Variants in EMC3 observed in about 807,000 individuals in gnomAD.
EMC3 encodes the protein 30 kDa protein.
A neutral mutation model predicts 36.6 loss-of-function variants in EMC3; 13 were observed. The ratio of observed to expected loss-of-function variants is 0.35; its 90% confidence interval spans 0.23 to 0.56. The LOEUF (loss-of-function observed/expected upper bound fraction) is 0.56. Ranked by LOEUF, EMC3 falls within the 20% of genes least tolerant of loss-of-function variation. The pLI is 0.84. For missense variants in EMC3, 220 were observed against 324.5 expected (o/e 0.68, Z 2.47); for synonymous variants, 120 against 111.9 (o/e 1.07, Z -0.46).
chr3:9,970,820 T>C (rs1243071966), intron 5 of EMC3, among the ~76,000 whole-genome samples, 159 bp from the exon 6 acceptor site: 1 of 152,206 alleles, frequency 6.6e-6, no homozygotes, highest in Non-Finnish European at 1.5e-5. Flanking sequence ...ATACAAGTTG[T>C]TAAAGCAGTC....
chr3:9,986,849 G>T (rs1405947247), upstream of EMC3: 4 of 1,381,950 alleles, frequency 2.9e-6, no homozygotes, highest in African/African-American at 1.5e-5. Context: ...CTTCCGGCGC[G>T]AACGTTGACG....
chr3:9,996,198 C>G (rs2086121948), intron 1 of EMC3, among the ~76,000 whole-genome samples: 2 of 152,218 alleles, frequency 1.3e-5, no homozygotes, highest in African/African-American at 4.8e-5. Context: ...AATCCCAGCA[C>G]TTTGGGAGGC....
rs1357041076 is a variant in EMC3 at position 9,963,992 on chromosome 3, G to A, written c.*77C>T. The stretch of plus-strand genomic sequence containing the variant: ...TCGTGCATCCTCCTTTTTATTTCAA[G>A]AGGTGCCAGCTCCAAACAAAGTTAC... On this transcript the variant is annotated 3_prime_UTR_variant, in exon 8 of 8. Coordinates refer to ENST00000245046, the MANE Select transcript of EMC3 (RefSeq NM_001394674.1). 1.9e-6 allele frequency: 3 copies of A among 1,572,154 alleles called. No individual in the cohort carries two copies. The highest frequency in any genetic ancestry group is 2.6e-6 in the Non-Finnish European group (3 of 1,158,910).
chr3:9,986,085 A>G (rs536087119), intron 1 of EMC3, among the ~76,000 whole-genome samples: 1 of 152,262 alleles, frequency 6.6e-6, no homozygotes, highest in South Asian at 2.1e-4. Flanking sequence ...TGGAACAGTA[A>G]TTTGGTAGAA....
intron 1 of EMC3, among the ~76,000 whole-genome samples, chr3:10,009,288 C>T (rs969317925): frequency 1.3e-5 from 2 of 152,214 alleles, no homozygotes; most frequent in African/African-American, 4.8e-5. Flanking sequence ...CTTCTATATA[C>T]TTGCTAGTAT....
intron 1 of EMC3, among the ~76,000 whole-genome samples, chr3:9,993,842 G>A (rs1420391041): frequency 6.6e-6 from 1 of 151,880 alleles, no homozygotes; most frequent in Non-Finnish European, 1.5e-5. Context: ...TATAACCAAG[G>A]TGGAACATCC....
intron 4 of EMC3, 139 bp downstream of exon 4, chr3:9,974,244 TA>T: frequency 1.6e-6 from 1 of 630,058 alleles, no homozygotes; most frequent in Non-Finnish European, 2.8e-6. Context: ...GCAAAAGCCG[TA>T]AAAGTCATCA....
intron 1 of EMC3, among the ~76,000 whole-genome samples, chr3:9,979,474 T>C (rs142490349): frequency 7.5e-4 from 114 of 152,328 alleles, no homozygotes; most frequent in Middle Eastern, 6.8e-3. Flanking sequence ...TGCCACTTAT[T>C]AGCCATGTGA....
At chr3:9,988,254 C>A, upstream of EMC3, 1 of 618,522 alleles carries the variant, frequency 1.6e-6, no homozygotes, top group Non-Finnish European at 3.0e-6. Flanking sequence ...TATTAGCCAT[C>A]TTATACATGA....
intron 1 of EMC3, among the ~76,000 whole-genome samples, chr3:10,009,390 A>T (rs540691716): frequency 6.6e-6 from 1 of 152,338 alleles, no homozygotes; most frequent in South Asian, 2.1e-4. Context: ...GCCAGGACTC[A>T]GGTTTTGTGA....
At chr3:9,965,062 G>T (rs906831909) in intron 7 of EMC3, among the ~76,000 whole-genome samples, 7 of 148,250 alleles carry the variant, frequency 4.7e-5, no homozygotes, top group Middle Eastern at 3.4e-3. Flanking sequence ...CCTATCTTTA[G>T]ATGAGCCTAG....
chr3:9,991,465 A>T (rs1369211094), upstream of EMC3, among the ~76,000 whole-genome samples: 1 of 152,114 alleles, frequency 6.6e-6, no homozygotes, highest in Non-Finnish European at 1.5e-5. Context: ...ACACATATAT[A>T]TGTTTATATA....
chr3:10,003,424 G>T (rs951752303), intron 1 of EMC3: 8 of 360,332 alleles, frequency 2.2e-5, no homozygotes, highest in Non-Finnish European at 4.4e-5. Flanking sequence ...CAAGTTGGTG[G>T]GGTCAATATT....
chr3:9,987,819 T>C (rs1347629010), upstream of EMC3: 3 of 579,452 alleles, frequency 5.2e-6, no homozygotes, highest in Non-Finnish European at 9.6e-6. Context: ...CCTCAGTCTT[T>C]CAGGAGATTG....
chr3:10,001,717 G>A (rs2086202407), intron 1 of EMC3, among the ~76,000 whole-genome samples: 1 of 152,138 alleles, frequency 6.6e-6, no homozygotes, highest in African/African-American at 2.4e-5. Context: ...TGAAATCAGG[G>A]CTGGGTGCTG....
chr3:9,987,513 C>A (rs973327546), upstream of EMC3, among the ~76,000 whole-genome samples: 84 of 152,116 alleles, frequency 5.5e-4, no homozygotes, highest in African/African-American at 1.9e-3. Flanking sequence ...CCTCATCTCA[C>A]GTCTGTTGGG....
intron 1 of EMC3, among the ~76,000 whole-genome samples, chr3:10,007,854 T>C (rs1343173549): frequency 3.3e-5 from 5 of 152,130 alleles, no homozygotes; most frequent in Admixed American, 6.5e-5. Flanking sequence ...TTGGTTACCC[T>C]ACCCACTACT....
chr3:9,998,366 A>AAATAATAATAAT (rs35879571), intron 1 of EMC3, among the ~76,000 whole-genome samples: 10,667 of 137,256 alleles, frequency 0.078, 554 homozygotes, highest in Non-Finnish European at 0.11. Context: ...ACTCTGTCTC[A>AAATAATAATAAT]AATAATAATA....
At chr3:9,981,276 T>C (rs907189952) in intron 1 of EMC3, among the ~76,000 whole-genome samples, 14 of 152,326 alleles carry the variant, frequency 9.2e-5, no homozygotes, top group Middle Eastern at 3.4e-3. Flanking sequence ...CAGTCTACGA[T>C]AACTCAAGAC....
Sources: gnomAD v4.1 joint callset for allele counts (sites outside exome capture counted in the v4.1 genomes callset) on GRCh38, gnomAD v4.1.1 for gene constraint, MANE v1.5 for transcripts, NCBI Gene and HGNC (gene_info 2026-07-23, HGNC 2026-07-21) for gene names.